The following ATP10A variants were observed in gnomAD, a reference collection of about 807,000 sequenced individuals.
ATP10A encodes the protein phospholipid-transporting ATPase VA.
Under a neutral mutation model 147.8 loss-of-function variants are expected in ATP10A, and 111 were observed. The ratio of observed to expected loss-of-function variants is 0.75; its 90% CI spans 0.64 to 0.88. The LOEUF (loss-of-function observed/expected upper bound fraction) is 0.88. ATP10A is among the 40% of genes least tolerant of loss of function. The pLI is 0.00. For missense variants in ATP10A, 1,927 were observed against 1,959.0 expected (o/e 0.98, Z 0.31); for synonymous variants, 875 against 841.6 (o/e 1.04, Z -0.69).
chr15:25,850,642 TC>T (rs60357196), intron 1 of ATP10A, among the ~76,000 whole-genome samples: 14 of 40,532 alleles, frequency 3.5e-4, no homozygotes, highest in Admixed American at 1.5e-3. Context: ...CCTCCCTCCC[TC>T]CCCCCCCAGC....
chr15:25,823,225 C>T (rs1891963578), intron 1 of ATP10A, among the ~76,000 whole-genome samples: 1 of 151,978 alleles, frequency 6.6e-6, no homozygotes, highest in Admixed American at 6.6e-5. Flanking sequence ...GCATTAGCAA[C>T]AGAAAAAAAC....
chr15:25,718,478 G>C, intron 7 of ATP10A, 79 bp from the exon 8 acceptor site: 2 of 1,429,866 alleles, frequency 1.4e-6, no homozygotes, highest in Non-Finnish European at 1.9e-6. Flanking sequence ...GTGTGTTTTA[G>C]GTTCCGCGAG....
At chr15:25,864,276 C>A (rs994879532), upstream of ATP10A, among the ~76,000 whole-genome samples, 1 of 152,150 alleles carries the variant, frequency 6.6e-6, no homozygotes, top group Non-Finnish European at 1.5e-5. Context: ...GGGAGTCCCC[C>A]ACGTCCGCAG....
chr15:25,704,462 G>A (rs1366229603), intron 12 of ATP10A, among the ~76,000 whole-genome samples: 5 of 152,182 alleles, frequency 3.3e-5, no homozygotes, highest in African/African-American at 9.7e-5. Flanking sequence ...TGTCTGCCAA[G>A]AAAGAAAGCA....
chr15:25,749,304 AAGTATT>A (rs1888024519), intron 2 of ATP10A, among the ~76,000 whole-genome samples: 1 of 152,170 alleles, frequency 6.6e-6, no homozygotes. Context: ...GAAAACTATA[AAGTATT>A]ATTAAGAGAT....
chr15:25,806,382 T>G (rs868667928), intron 1 of ATP10A, among the ~76,000 whole-genome samples: 1 of 152,006 alleles, frequency 6.6e-6, no homozygotes, highest in South Asian at 2.1e-4. Context: ...GCACGATCTC[T>G]GCTCACTGCA....
intron 19 of ATP10A, 24 bp downstream of exon 19, chr15:25,680,786 C>A (rs901003): frequency 0.34 from 533,725 of 1,589,166 alleles, 92,582 homozygotes; most frequent in Non-Finnish European, 0.36. Context: ...TCTTCTGAGA[C>A]GTGGCCATGC....
chr15:25,734,855 A>G (rs1038325998), intron 3 of ATP10A, among the ~76,000 whole-genome samples: 1 of 152,070 alleles, frequency 6.6e-6, no homozygotes, highest in African/African-American at 2.4e-5. Context: ...CCCCAGCCCT[A>G]CCGCCTGCCA....
chr15:25,679,956 G>T lies in ATP10A; in HGVS notation c.3885C>A (p.Leu1295=). 3.8e-6 allele frequency: 6 copies of T among 1,596,604 alleles called. No homozygotes were observed. The highest frequency in any genetic ancestry group is 5.1e-6 in the Non-Finnish European group (6 of 1,167,842). Reference sequence around the variant, plus strand: ...GTTGTGTGGGGAAAACCCTCCCCTGGAGGGATCTGAAAAACAATCTAGAAA... The same window carrying T: ...GTTGTGTGGGGAAAACCCTCCCCTGTAGGGATCTGAAAAACAATCTAGAAA... ...ALLPRLFFRS[L]QGRVFPTQLQ... Residue 1295 remains leucine, a synonymous_variant, in exon 21 of 21, where the codon CTC becomes CTA. Transcript: ENST00000555815.
chr15:25,711,051 C>T (rs147649197), intron 10 of ATP10A, among the ~76,000 whole-genome samples: 6 of 152,206 alleles, frequency 3.9e-5, no homozygotes, highest in Non-Finnish European at 7.4e-5. Context: ...CAGGGTCATC[C>T]CAGCCGTAAG....
intron 1 of ATP10A, among the ~76,000 whole-genome samples, chr15:25,837,990 C>A (rs1892664589): frequency 6.6e-6 from 1 of 152,192 alleles, no homozygotes; most frequent in African/African-American, 2.4e-5. Flanking sequence ...GGGCTCCGGG[C>A]CATGGAGCTA....
intron 1 of ATP10A, among the ~76,000 whole-genome samples, chr15:25,823,313 A>C (rs1157826282): frequency 6.6e-6 from 1 of 152,240 alleles, no homozygotes; most frequent in Non-Finnish European, 1.5e-5. Context: ...ACTCTTATAG[A>C]TCATGAGGAA....
chr15:25,814,152 C>T (rs1380610187), intron 1 of ATP10A, among the ~76,000 whole-genome samples: 7 of 151,902 alleles, frequency 4.6e-5, no homozygotes, highest in Non-Finnish European at 1.0e-4. Flanking sequence ...AATATTAATA[C>T]CTTATATATA....
At chr15:25,737,742 A>T (rs1887365947) in intron 2 of ATP10A, among the ~76,000 whole-genome samples, 1 of 152,146 alleles carries the variant, frequency 6.6e-6, no homozygotes, top group African/African-American at 2.4e-5. Flanking sequence ...ACCCTTATTT[A>T]GAGAGGAAGT....
intron 1 of ATP10A, among the ~76,000 whole-genome samples, chr15:25,814,263 C>T (rs898872115): frequency 2.0e-5 from 3 of 152,140 alleles, no homozygotes; most frequent in Non-Finnish European, 4.4e-5. Context: ...GAAAACTGCC[C>T]GCCTAGAACT....
At chr15:25,714,489 TA>T (rs1255384452) in intron 9 of ATP10A, among the ~76,000 whole-genome samples, 1 of 151,798 alleles carries the variant, frequency 6.6e-6, no homozygotes. Flanking sequence ...ATAATAATAA[TA>T]AAAAAAGAAA....
At chr15:25,842,922 T>C (rs1426780103) in intron 1 of ATP10A, among the ~76,000 whole-genome samples, 2 of 152,158 alleles carry the variant, frequency 1.3e-5, no homozygotes, top group Non-Finnish European at 2.9e-5. Flanking sequence ...TCTCACTATG[T>C]TGCCCAAGCT....
intron 6 of ATP10A, among the ~76,000 whole-genome samples, chr15:25,722,608 T>G (rs1902312538): frequency 6.6e-6 from 1 of 152,204 alleles, no homozygotes; most frequent in Non-Finnish European, 1.5e-5. Context: ...TCCTGGGAAC[T>G]GAAGTACGTT....
chr15:25,802,460 G>A (rs530152835), intron 1 of ATP10A, among the ~76,000 whole-genome samples: 1 of 152,270 alleles, frequency 6.6e-6, no homozygotes, highest in African/African-American at 2.4e-5. Context: ...GCTTCCTGGG[G>A]CTGCAGTAAC....
Sources: gnomAD v4.1 joint callset for allele counts (sites outside exome capture counted in the v4.1 genomes callset) on GRCh38, gnomAD v4.1.1 for gene constraint, MANE v1.5 for transcripts, NCBI Gene and HGNC (gene_info 2026-07-23, HGNC 2026-07-21) for gene names.